TIAM1: variants seen among roughly 807,000 people sequenced by gnomAD.
The protein encoded by TIAM1 is rho guanine nucleotide exchange factor TIAM1.
TIAM1 carries 65 observed loss-of-function variants against 163.5 expected under a neutral mutation model. The ratio of observed to expected loss-of-function variants is 0.40; its 90% CI spans 0.33 to 0.49. The LOEUF is 0.49. TIAM1 is among the 20% of genes least tolerant of loss of function. The pLI is 0.77. For missense variants in TIAM1, 1,789 were observed against 2,044.7 expected (o/e 0.87, Z 2.41); for synonymous variants, 833 against 810.1 (o/e 1.03, Z -0.48).
At chr21:31,535,614 C>G (rs147406728) in intron 1 of TIAM1, among the ~76,000 whole-genome samples, 1 of 152,058 alleles carries the variant, frequency 6.6e-6, no homozygotes, top group Non-Finnish European at 1.5e-5. Context: ...GATGTCAGAG[C>G]TCCTGGAGCT....
At chr21:31,556,421 T>C (rs1334615202) in intron 1 of TIAM1, among the ~76,000 whole-genome samples, 1 of 118,780 alleles carries the variant, frequency 8.4e-6, no homozygotes, top group African/African-American at 2.6e-5. Context: ...GTCGAGTTTA[T>C]GTTTGTTTGT....
upstream of TIAM1, among the ~76,000 whole-genome samples, chr21:31,346,991 A>AG (rs1366645711): frequency 6.6e-6 from 1 of 152,108 alleles, no homozygotes; most frequent in African/African-American, 2.4e-5. Context: ...GTTTCTCTAA[A>AG]GGGGACGTGG....
At chr21:31,512,808 T>C (rs1001141992) in intron 1 of TIAM1, among the ~76,000 whole-genome samples, 7 of 151,652 alleles carry the variant, frequency 4.6e-5, no homozygotes, top group Non-Finnish European at 8.8e-5. Flanking sequence ...TGTTTGTTTG[T>C]TTGTTTTGTA....
At chr21:31,416,959 G>A (rs2043395172) in intron 2 of TIAM1, among the ~76,000 whole-genome samples, 1 of 152,184 alleles carries the variant, frequency 6.6e-6, no homozygotes, top group Admixed American at 6.5e-5. Flanking sequence ...GTATTCATCT[G>A]TTTTGACGCT....
chr21:31,536,694 G>A (rs886903711), intron 1 of TIAM1, among the ~76,000 whole-genome samples: 2 of 152,208 alleles, frequency 1.3e-5, no homozygotes, highest in Non-Finnish European at 2.9e-5. Flanking sequence ...GAGGAGAAAC[G>A]GGTGGAACAG....
upstream of TIAM1, among the ~76,000 whole-genome samples, chr21:31,347,583 C>A (rs1032826143): frequency 6.6e-6 from 1 of 152,204 alleles, no homozygotes; most frequent in Non-Finnish European, 1.5e-5. Flanking sequence ...AACTTATACA[C>A]AAATGTACAG....
At chr21:31,438,179 C>CT (rs34844399) in intron 2 of TIAM1, among the ~76,000 whole-genome samples, 2,368 of 62,680 alleles carry the variant, frequency 0.038, 555 homozygotes, top group Non-Finnish European at 0.048. Flanking sequence ...TATTTGTGAT[C>CT]TTTTTTTTTT....
intron 1 of TIAM1, among the ~76,000 whole-genome samples, chr21:31,521,288 G>GA (rs1327460283): frequency 2.6e-5 from 4 of 152,144 alleles, no homozygotes; most frequent in Admixed American, 6.5e-5. Flanking sequence ...ATTTAAATTA[G>GA]AAAAAGGTTT....
At chr21:31,228,861 C>T (rs2088221407) in intron 6 of TIAM1, among the ~76,000 whole-genome samples, 1 of 152,136 alleles carries the variant, frequency 6.6e-6, no homozygotes, top group Non-Finnish European at 1.5e-5. Flanking sequence ...GAAAGGGAAG[C>T]AAACACGTCC....
chr21:31,537,237 G>A (rs887617741), intron 1 of TIAM1, among the ~76,000 whole-genome samples: 4 of 152,168 alleles, frequency 2.6e-5, no homozygotes, highest in African/African-American at 9.7e-5. Context: ...AAGTTCCAGT[G>A]ACATGAGTGT....
chr21:31,457,488 T>C (rs372115494), intron 2 of TIAM1, among the ~76,000 whole-genome samples: 47 of 152,266 alleles, frequency 3.1e-4, no homozygotes, highest in African/African-American at 1.1e-3. Flanking sequence ...CTTCAATATA[T>C]TAGTGAAGAG....
chr21:31,203,062 A>T, intron 11 of TIAM1, 50 bp from the exon 12 acceptor site: 1 of 1,396,552 alleles, frequency 7.2e-7, no homozygotes, highest in South Asian at 1.2e-5. Context: ...AATAGTAAAT[A>T]GGCACAATTA....
At chr21:31,181,446 CT>C (rs1392209588) in intron 15 of TIAM1, among the ~76,000 whole-genome samples, 1 of 151,524 alleles carries the variant, frequency 6.6e-6, no homozygotes, top group African/African-American at 2.4e-5. Context: ...GCAGGTGGCA[CT>C]CACGCTGCTT....
chr21:31,387,195 CTT>C (rs60592178), intron 2 of TIAM1, among the ~76,000 whole-genome samples: 1,685 of 75,004 alleles, frequency 0.022, 11 homozygotes, highest in African/African-American at 0.034. Context: ...AGCTTATTCT[CTT>C]TTTTTTTTTT....
chr21:31,131,829 T>A (rs1398429964), intron 23 of TIAM1, among the ~76,000 whole-genome samples: 2 of 152,206 alleles, frequency 1.3e-5, no homozygotes, highest in Non-Finnish European at 2.9e-5. Flanking sequence ...GACTCTGTCC[T>A]CATGAATGGG....
At chr21:31,465,086 G>T (rs12483036) in intron 1 of TIAM1, among the ~76,000 whole-genome samples, 59,186 of 151,226 alleles carry the variant, frequency 0.39, 11,852 homozygotes, top group African/African-American at 0.44. Flanking sequence ...TAGTCCCAGC[G>T]ACTAGGAAGG....
At chr21:31,499,804 C>T (rs2046788639) in intron 1 of TIAM1, among the ~76,000 whole-genome samples, 1 of 150,978 alleles carries the variant, frequency 6.6e-6, no homozygotes, top group Non-Finnish European at 1.5e-5. Flanking sequence ...GAGCCAAGAT[C>T]GAGCTACTGC....
At chr21:31,329,349 G>C (rs553774751) in intron 2 of TIAM1, among the ~76,000 whole-genome samples, 1 of 152,344 alleles carries the variant, frequency 6.6e-6, no homozygotes, top group South Asian at 2.1e-4. Flanking sequence ...GAAACGCTGA[G>C]GTCGGCTCCC....
intron 1 of TIAM1, among the ~76,000 whole-genome samples, chr21:31,516,786 T>A (rs889021031): frequency 1.3e-5 from 2 of 151,702 alleles, no homozygotes; most frequent in African/African-American, 4.8e-5. Flanking sequence ...CTGGGCTCGG[T>A]GGCTCACACC....
Sources: gnomAD v4.1 joint callset for allele counts (sites outside exome capture counted in the v4.1 genomes callset) on GRCh38, gnomAD v4.1.1 for gene constraint, MANE v1.5 for transcripts, NCBI Gene and HGNC (gene_info 2026-07-23, HGNC 2026-07-21) for gene names.